STK31: variants seen among roughly 807,000 people sequenced by gnomAD.
The protein encoded by STK31 is serine/threonine-protein kinase 31.
A neutral mutation model predicts 129.7 loss-of-function variants in STK31; 89 were observed. The ratio of observed to expected loss-of-function variants is 0.69; its 90% CI spans 0.58 to 0.82. The LOEUF is 0.82. STK31 is among the 40% of genes least tolerant of loss of function. STK31 has a pLI of 0.00. For missense variants in STK31, 1,187 were observed against 1,176.4 expected, an observed-to-expected ratio of 1.01 and a Z score of -0.13; for synonymous variants, 448 against 395.3, an observed-to-expected ratio of 1.13 and a Z score of -1.58.
chr7:23,716,128 G>C (rs1458051557), intron 3 of STK31, among the ~76,000 whole-genome samples: 2 of 152,162 alleles, frequency 1.3e-5, no homozygotes, highest in African/African-American at 4.8e-5. Context: ...GTATTTAGTT[G>C]TGTATCCTTG....
chr7:23,773,104 T>C (rs989259879), intron 15 of STK31, among the ~76,000 whole-genome samples: 4 of 152,172 alleles, frequency 2.6e-5, no homozygotes, highest in African/African-American at 9.7e-5. Flanking sequence ...TGCAGGTTTG[T>C]TACATAGGTA....
At position 23,794,364 on chromosome 7, in the gene STK31, A is replaced by C. The variant is rs867497471; in HGVS notation, c.2760+3418A>C. Among the ~76,000 whole-genome samples the C allele has an allele frequency of 7.9e-5, 12 of 152,286 alleles. No homozygotes were observed. The Middle Eastern group carries it at 0.01, about 129-fold the overall frequency. ...TGTGTTTACTTCCCCTTCTGCCATG[A>C]TTGTAAGTTTCCTGAGGAATCCCCA... On this transcript the variant is annotated intron_variant, in intron 22 of 23. Coordinates refer to ENST00000355870, the MANE Select transcript of STK31 (RefSeq NM_031414.5).
chr7:23,722,536 G>C (rs1786777143), intron 4 of STK31: 1 of 152,538 alleles, frequency 6.6e-6, no homozygotes, highest in African/African-American at 2.4e-5. Flanking sequence ...CGGGGGTCAG[G>C]GACCCACTTG....
rs376330614 is a variant in STK31 at position 23,710,242 on chromosome 7, C to T, written c.-44C>T. ...TTGCGGTCGAAGCTCACGCGGTAAG[C>T]CGCTGCACGTGTGCTACGGCGGGCG... is the stretch of plus-strand genomic sequence containing the variant. On this transcript the variant is annotated 5_prime_UTR_variant, in exon 1 of 24. Coordinates refer to ENST00000355870, the MANE Select transcript of STK31 (RefSeq NM_031414.5). 9.4e-6 allele frequency: 15 copies of T among 1,590,562 alleles called. No homozygotes were observed. The African/African-American group carries it at 1.8e-4, about 19-fold the overall frequency.
At chr7:23,749,001 C>G (rs1233801840) in intron 8 of STK31, among the ~76,000 whole-genome samples, 1 of 152,178 alleles carries the variant, frequency 6.6e-6, no homozygotes, top group African/African-American at 2.4e-5. Context: ...GTGTTGAGTT[C>G]AAATGTATCT....
At chr7:23,782,970 A>T (rs187254184) in intron 16 of STK31, among the ~76,000 whole-genome samples, 27 of 152,180 alleles carry the variant, frequency 1.8e-4, no homozygotes, top group Admixed American at 1.3e-3. Flanking sequence ...AATTAGTAAG[A>T]TGGTAGTTTA....
Position 23,832,493 on chromosome 7 carries a change from G to T in STK31, c.*127G>T. ...TAGTATTCAGGTTGTGAAAAATAAA[G>T]ATGTTTGGCTATGCACAAAATAGTT... On this transcript the variant is annotated 3_prime_UTR_variant, in exon 24 of 24. Transcript: ENST00000355870. 1.4e-6 allele frequency: 1 copy of T among 711,628 alleles called. No homozygotes were observed. Among genetic ancestry groups the T allele is most frequent in the Non-Finnish European group, 2.3e-6 (1 of 429,430 alleles). 44.1% of individuals were successfully genotyped at this position (711,628 alleles called of 1,614,324 possible).
intron 8 of STK31, among the ~76,000 whole-genome samples, chr7:23,751,656 C>T (rs1416730373): frequency 6.6e-6 from 1 of 152,100 alleles, no homozygotes; most frequent in Admixed American, 6.6e-5. Flanking sequence ...GAGAGAAGTA[C>T]TGAAATCTAA....
intron 11 of STK31, among the ~76,000 whole-genome samples, chr7:23,767,000 G>T (rs1040398117): frequency 2.0e-5 from 3 of 152,074 alleles, no homozygotes; most frequent in African/African-American, 7.2e-5. Context: ...TGTCCCTTCT[G>T]CCATTTAGCC....
At chr7:23,808,970 T>TGTGTGTGTGTGCGCGC (rs60631283) in intron 22 of STK31, among the ~76,000 whole-genome samples, 1 of 139,556 alleles carries the variant, frequency 7.2e-6, no homozygotes, top group Non-Finnish European at 1.6e-5. Context: ...TGTGTGTGTG[T>TGTGTGTGTGTGCGCGC]GCCTGTGTCT....
At chr7:23,774,238 A>G (rs1790389405) in intron 15 of STK31, among the ~76,000 whole-genome samples, 1 of 152,200 alleles carries the variant, frequency 6.6e-6, no homozygotes, top group Non-Finnish European at 1.5e-5. Context: ...GCCACACTAA[A>G]CATACGTGTG....
intron 22 of STK31, among the ~76,000 whole-genome samples, chr7:23,803,376 G>A (rs1222498142): frequency 1.3e-5 from 2 of 152,082 alleles, no homozygotes; most frequent in Admixed American, 6.5e-5. Flanking sequence ...TTTAGAAATA[G>A]CAATAATAAA....
intron 6 of STK31, among the ~76,000 whole-genome samples, chr7:23,732,999 G>A (rs1787519332): frequency 6.6e-6 from 1 of 152,048 alleles, no homozygotes; most frequent in Non-Finnish European, 1.5e-5. Flanking sequence ...GATCCCATTT[G>A]ATTGGTGATA....
Position 23,772,243 on chromosome 7 carries a change from A to C in STK31, c.1930A>C (p.Arg644=). ...ATTGAAAAGCTTAAAAGCTCTACTC[A>C]GATGGAAATTGGTTGAAAAGAGTAA... is the stretch of plus-strand genomic sequence containing the variant. ...KTLKSLKALL[R]WKLVEKSNLE... Residue 644 remains arginine, a synonymous_variant, in exon 15 of 24, where the codon AGA becomes CGA. Coordinates refer to ENST00000355870, the MANE Select transcript of STK31 (RefSeq NM_031414.5). The C allele has an allele frequency of 6.2e-7, 1 of 1,608,224 alleles. No individual in the cohort carries two copies. The highest frequency in any genetic ancestry group is 1.1e-5 in the South Asian group (1 of 90,018).
At chr7:23,788,219 A>G (rs981929261) in intron 21 of STK31, 90 bp downstream of exon 21, 11 of 1,120,344 alleles carry the variant, frequency 9.8e-6, no homozygotes, top group African/African-American at 3.2e-5. Context: ...ATAATACTTT[A>G]TTATAGGATC....
intron 8 of STK31, among the ~76,000 whole-genome samples, chr7:23,744,026 G>A (rs1162493573): frequency 6.6e-6 from 1 of 151,672 alleles, no homozygotes; most frequent in Non-Finnish European, 1.5e-5. Flanking sequence ...CTCAATCAGT[G>A]CTCCTGCCTC....
chr7:23,786,662 A>T (rs772592250), intron 19 of STK31, 29 bp downstream of exon 19: 1 of 1,597,234 alleles, frequency 6.3e-7, no homozygotes, highest in South Asian at 1.2e-5. Flanking sequence ...TCTCTTGCAG[A>T]AACCATTTTA....
intron 23 of STK31, among the ~76,000 whole-genome samples, chr7:23,819,693 C>A (rs555112420): frequency 6.6e-5 from 8 of 120,916 alleles, no homozygotes; most frequent in Non-Finnish European, 1.3e-4. Flanking sequence ...GCCTGACCAG[C>A]AGTTAAACAG....
chr7:23,755,293 C>T (rs995105590), intron 10 of STK31: 1 of 152,118 alleles, frequency 6.6e-6, no homozygotes, highest in Non-Finnish European at 1.5e-5. Context: ...ACATAAATGT[C>T]TTCTTTTGAG....
Sources: allele counts gnomAD v4.1 joint callset (sites outside exome capture counted in the v4.1 genomes callset), GRCh38; gene constraint gnomAD v4.1.1; transcripts MANE v1.5; gene names NCBI Gene and HGNC (gene_info 2026-07-23, HGNC 2026-07-21).